Variants in NPM1 observed in about 807,000 individuals in gnomAD.
NPM1 encodes nucleophosmin 1, also known as nucleophosmin.
Under a neutral mutation model 44.1 loss-of-function variants are expected in NPM1, and 1 was observed. The observed-to-expected ratio is 0.02, with a 90% CI of 0.01 to 0.11. The LOEUF (loss-of-function observed/expected upper bound fraction) is 0.11. Among genes scored for constraint, NPM1 ranks in the 10% least tolerant of loss-of-function variants. The pLI is 1.00. For synonymous variants in NPM1, 126 were observed against 111.8 expected (o/e 1.13, Z -0.80); for missense variants, 197 against 347.8 (o/e 0.57, Z 3.45).
intron 8 of NPM1, 30 bp from the exon 9 acceptor site, chr5:171,405,272 T>G: frequency 9.3e-7 from 1 of 1,078,248 alleles, no homozygotes; most frequent in Non-Finnish European, 1.4e-6. Flanking sequence ...TTTATTCTTA[T>G]GACCTTTTGG....
chr5:171,410,237 T>A (rs1686066545), intron 10 of NPM1, among the ~76,000 whole-genome samples: 1 of 152,238 alleles, frequency 6.6e-6, no homozygotes, highest in Admixed American at 6.5e-5. Flanking sequence ...AAGTTGGAAG[T>A]AACATTGGCC....
chr5:171,406,282 T>A (rs1455895146), intron 9 of NPM1: 1 of 922,564 alleles, frequency 1.1e-6, no homozygotes, highest in African/African-American at 1.6e-5. Flanking sequence ...GTAAACCCTT[T>A]AGCCTTCCTG....
Position 171,392,804 on chromosome 5 carries a change from C to T in NPM1, c.447C>T (p.Ser149=). ...AGCGGTCTGCCCCTGGAGGTGGTAG[C>T]AAGGTTCCACAGGTAGAGATGGCAA... ...SGKRSAPGGG[S]KVPQKKVKLA... Residue 149 remains serine (S), a synonymous_variant, in exon 5 of 11, where the codon AGC becomes AGT. Coordinates refer to ENST00000296930, the MANE Select transcript of NPM1 (RefSeq NM_002520.7). The T allele has an allele frequency of 6.2e-7, 1 of 1,613,620 alleles. No homozygotes were observed. Among genetic ancestry groups the T allele is most frequent in the Non-Finnish European group, 8.5e-7 (1 of 1,179,684 alleles).
chr5:171,388,473 G>C (rs1212827190), intron 1 of NPM1, among the ~76,000 whole-genome samples: 3 of 152,160 alleles, frequency 2.0e-5, no homozygotes, highest in Non-Finnish European at 4.4e-5. Context: ...TCTGGCCTCA[G>C]AGCCTGGAGC....
chr5:171,402,080 AAT>A (rs1771232026), intron 8 of NPM1, among the ~76,000 whole-genome samples: 2 of 144,162 alleles, frequency 1.4e-5, no homozygotes, highest in East Asian at 4.2e-4. Context: ...AACCTGATGA[AAT>A]AGTTTATTTA....
intron 10 of NPM1, among the ~76,000 whole-genome samples, chr5:171,408,051 C>CT (rs1771658621): frequency 6.6e-6 from 1 of 151,702 alleles, no homozygotes; most frequent in Non-Finnish European, 1.5e-5. Flanking sequence ...TTTTTTGGTA[C>CT]TATGTTGGTT....
chr5:171,397,559 G>T (rs192172431), intron 6 of NPM1, among the ~76,000 whole-genome samples: 7 of 152,140 alleles, frequency 4.6e-5, no homozygotes, highest in Admixed American at 4.6e-4. Context: ...GTATTCATTG[G>T]CCATATATCT....
chr5:171,389,561 A>G (rs1181545307), intron 1 of NPM1, among the ~76,000 whole-genome samples: 4 of 152,188 alleles, frequency 2.6e-5, no homozygotes, highest in South Asian at 4.1e-4. Flanking sequence ...CTGTTGCTTT[A>G]AAGAGTGGAG....
intron 10 of NPM1, among the ~76,000 whole-genome samples, chr5:171,409,799 G>T (rs1771733907): frequency 7.1e-6 from 1 of 141,012 alleles, no homozygotes. Flanking sequence ...GAGCCACCAT[G>T]CCTGGCCAGC....
At chr5:171,392,575 T>TC (rs1194061155) in intron 4 of NPM1, 135 bp from the exon 5 acceptor site, 2 of 560,622 alleles carry the variant, frequency 3.6e-6, no homozygotes, top group Non-Finnish European at 5.8e-6. Context: ...AAGTTCCTTT[T>TC]CCCATGTGCT....
In NPM1 at chr5:171,387,897, T is replaced by G; in HGVS notation, c.-52T>G. The G allele has an allele frequency of 6.4e-7, 1 of 1,566,886 alleles. No individual in the cohort carries two copies. Among genetic ancestry groups the G allele is most frequent in the South Asian group, 1.1e-5 (1 of 89,970 alleles). On this transcript the variant is annotated 5_prime_UTR_variant, in exon 1 of 11. Transcript: ENST00000296930. ...TGCGCGGTTGTTCTCTGGAGCAGCG[T>G]TCTTTTATCTCCGTCCGCCTTCTCT...
At chr5:171,402,077 T>A (rs1379021733) in intron 8 of NPM1, among the ~76,000 whole-genome samples, 1 of 138,994 alleles carries the variant, frequency 7.2e-6, no homozygotes, top group Non-Finnish European at 1.6e-5. Flanking sequence ...TTTAACCTGA[T>A]GAAATAGTTT....
chr5:171,398,285 G>C (rs760399166), intron 6 of NPM1, among the ~76,000 whole-genome samples: 1 of 152,164 alleles, frequency 6.6e-6, no homozygotes. Context: ...TAAATTCAAA[G>C]TTGTGAAAAT....
At position 171,391,286 on chromosome 5, in the gene NPM1, A is replaced by ATTTTTTTT; in HGVS notation, c.139-16_139-9dup. 1.4e-6 allele frequency: 2 copies of ATTTTTTTT among 1,400,002 alleles called. No individual in the cohort carries two copies. Among genetic ancestry groups the ATTTTTTTT allele is most frequent in the African/African-American group, 1.4e-5 (1 of 69,170 alleles). The allele number at this position is 1,400,002 out of a possible 1,614,324, so 86.7% of individuals were successfully genotyped here. A position where few individuals can be genotyped will look rare whatever the true frequency, so the allele number is the denominator to read the frequency against. On this transcript the variant is annotated intron_variant, in intron 2 of 10. Transcript: ENST00000296930. ...GGTGGAACTCAAAAGTTGAAGTAGT[A>ATTTTTTTT]TTTTTTTTTTGTTCACAGGTCAGTT... is the stretch of plus-strand genomic sequence containing the variant.
In NPM1 at chr5:171,387,948, G is replaced by C. The variant is rs587777962; in HGVS notation, c.-1G>C. ...CCTACCTAAGTGCGTGCCGCCACCC[G>C]ATGGAAGATTCGATGGACATGGACA... On this transcript the variant is annotated 5_prime_UTR_variant, in exon 1 of 11. Transcript: ENST00000296930. 1.6e-5 allele frequency: 25 copies of C among 1,611,840 alleles called. No homozygotes were observed. Among genetic ancestry groups the C allele is most frequent in the Non-Finnish European group, 2.1e-5 (25 of 1,179,614 alleles).
rs200569558 is a variant in NPM1 at position 171,388,786 on chromosome 5, T to G, written c.58+780T>G. Among the ~76,000 whole-genome samples the G allele has an allele frequency of 1.2e-4, 18 of 152,354 alleles. No individual in the cohort carries two copies. The South Asian group carries it at 2.3e-3, about 19-fold the overall frequency. On this transcript the variant is annotated intron_variant, in intron 1 of 10. Coordinates refer to ENST00000296930, the MANE Select transcript of NPM1 (RefSeq NM_002520.7). Reference sequence around the variant, plus strand: ...CTCTCATTTTTTTGAGCCCCTTTTCTGTCTCACTGCGGTAGGTGGAGCTAG... The same window carrying G: ...CTCTCATTTTTTTGAGCCCCTTTTCGGTCTCACTGCGGTAGGTGGAGCTAG...
intron 9 of NPM1, chr5:171,406,608 G>A (rs916881179): frequency 9.5e-6 from 13 of 1,373,488 alleles, no homozygotes; most frequent in Admixed American, 3.1e-5. Context: ...TCTTCTGACT[G>A]CTGTGATTCA....
chr5:171,389,934 G>C (rs898548290), intron 1 of NPM1, 117 bp from the exon 2 acceptor site: 4 of 647,268 alleles, frequency 6.2e-6, no homozygotes, highest in Admixed American at 6.5e-5. Flanking sequence ...TTGCCCTCTG[G>C]TAGCTAAAAT....
chr5:171,399,392 C>T (rs1371723033), intron 6 of NPM1, among the ~76,000 whole-genome samples: 1 of 152,172 alleles, frequency 6.6e-6, no homozygotes, highest in Non-Finnish European at 1.5e-5. Flanking sequence ...ACTACAGGCG[C>T]ACACCACCAC....
Sources: gnomAD v4.1 joint callset for allele counts (sites outside exome capture counted in the v4.1 genomes callset) on GRCh38, gnomAD v4.1.1 for gene constraint, MANE v1.5 for transcripts, NCBI Gene and HGNC (gene_info 2026-07-23, HGNC 2026-07-21) for gene names.